The following NUP50 variants were observed in gnomAD, a reference collection of about 807,000 sequenced individuals.
The protein encoded by NUP50 is nuclear pore complex protein Nup50.
NUP50 carries 14 observed loss-of-function variants against 36.8 expected under a neutral mutation model. The ratio of observed to expected loss-of-function variants is 0.38; its 90% CI spans 0.25 to 0.59. The LOEUF (loss-of-function observed/expected upper bound fraction) is 0.59. NUP50 is among the 20% of genes least tolerant of loss of function. The pLI, the probability that NUP50 is intolerant of heterozygous loss-of-function variation, is 0.63. For synonymous variants in NUP50, 195 were observed against 210.8 expected (o/e 0.93, Z 0.65); for missense variants, 455 against 564.6 (o/e 0.81, Z 1.97).
rs1241277298 is a variant in NUP50 at position 45,184,938 on chromosome 22, T to A, written c.*283T>A. On this transcript the variant is annotated 3_prime_UTR_variant, in exon 8 of 8. Coordinates refer to ENST00000347635, the MANE Select transcript of NUP50 (RefSeq NM_007172.4). Reference sequence around the variant, plus strand: ...ATTAAACTAACCCTAAGTGATTTCTTCAAGGACTGCAATCAGGGTATCAAT... The same window carrying A: ...ATTAAACTAACCCTAAGTGATTTCTACAAGGACTGCAATCAGGGTATCAAT... 3 of 422,408 alleles carry A rather than the reference T, an allele frequency of 7.1e-6. No individual in the cohort carries two copies. Among genetic ancestry groups the A allele is most frequent in the Non-Finnish European group, 1.3e-5 (3 of 230,122 alleles). The allele number at this position is 422,408 out of a possible 1,614,324, so 26.2% of individuals were successfully genotyped here.
In NUP50 at chr22:45,175,881, CT is replaced by C; in HGVS notation, c.154-11del. The C allele has an allele frequency of 1.2e-6, 2 of 1,613,764 alleles. No homozygotes were observed. Among genetic ancestry groups the C allele is most frequent in the Non-Finnish European group, 8.5e-7 (1 of 1,179,832 alleles). On this transcript the variant is annotated splice_polypyrimidine_tract_variant and intron_variant, in intron 3 of 7. Coordinates refer to ENST00000347635, the MANE Select transcript of NUP50 (RefSeq NM_007172.4). ...TACACTTACCTAATGTGTGCTCCTCCTTCATACTTCAGTCTGACACTGGAGG... is the reference window on the plus strand; with the variant it reads ...TACACTTACCTAATGTGTGCTCCTCCTCATACTTCAGTCTGACACTGGAGG...
intron 5 of NUP50, chr22:45,180,297 T>A (rs1012963251): frequency 1.3e-5 from 2 of 148,348 alleles, no homozygotes; most frequent in African/African-American, 4.9e-5. Flanking sequence ...GCATCACAGT[T>A]GTTTTTCTTA....
At chr22:45,164,356 G>C (rs565068094) in intron 1 of NUP50, 60 bp downstream of exon 1, 168 of 152,990 alleles carry the variant, frequency 1.1e-3, no homozygotes, top group Admixed American at 2.5e-3. Flanking sequence ...CTGGTGCTGA[G>C]AGCCCAGGGC....
intron 2 of NUP50, among the ~76,000 whole-genome samples, chr22:45,168,849 A>G (rs1004862960): frequency 1.3e-5 from 2 of 152,034 alleles, no homozygotes; most frequent in African/African-American, 2.4e-5. Flanking sequence ...TTTCCCTTAT[A>G]AACAGTAGGA....
intron 5 of NUP50, among the ~76,000 whole-genome samples, chr22:45,180,574 C>T (rs1265384166): frequency 6.6e-6 from 1 of 152,146 alleles, no homozygotes; most frequent in Admixed American, 6.5e-5. Context: ...GGGGGCGTCT[C>T]ACCATGTTGA....
chr22:45,186,272 AG>A lies in NUP50; in HGVS notation c.*1620del, dbSNP rs2074470090. On this transcript the variant is annotated 3_prime_UTR_variant, in exon 8 of 8. Coordinates refer to ENST00000347635, the MANE Select transcript of NUP50 (RefSeq NM_007172.4). ...TCAGACATAGCGATAGTAGGCACCTAGGGAGGAAGTGGCCGTTAGTTTTACA... is the reference window on the plus strand; with the variant it reads ...TCAGACATAGCGATAGTAGGCACCTAGGAGGAAGTGGCCGTTAGTTTTACA... 6.6e-6 allele frequency: 1 copy of A among 152,184 alleles called. No homozygotes were observed. The highest frequency in any genetic ancestry group is 1.5e-5 in the Non-Finnish European group (1 of 68,024). 9.4% of individuals were successfully genotyped at this position (152,184 alleles called of 1,614,324 possible).
At chr22:45,174,259 C>T (rs981482512) in intron 3 of NUP50, among the ~76,000 whole-genome samples, 5 of 151,576 alleles carry the variant, frequency 3.3e-5, no homozygotes, top group Non-Finnish European at 7.4e-5. Flanking sequence ...CTCTCTGCAA[C>T]CGCCGCCTCC....
At chr22:45,182,237 TC>T (rs1349706739) in intron 6 of NUP50, among the ~76,000 whole-genome samples, 2 of 151,972 alleles carry the variant, frequency 1.3e-5, no homozygotes, top group South Asian at 2.1e-4. Context: ...GGTCAGGAGT[TC>T]CAGACAAACC....
intron 3 of NUP50, chr22:45,172,071 T>C (rs1377936405): frequency 1.1e-5 from 2 of 174,174 alleles, no homozygotes; most frequent in African/African-American, 4.7e-5. Flanking sequence ...CTAGAGGCAT[T>C]TTAGGTGTGG....
rs780560953 is a variant in NUP50 at position 45,184,450 on chromosome 22, C to T, written c.1205-3C>T. 14 of 1,613,666 alleles carry T rather than the reference C, an allele frequency of 8.7e-6. No individual in the cohort carries two copies. The Admixed American group carries it at 1.0e-4, about 12-fold the overall frequency. On this transcript the variant is annotated splice_polypyrimidine_tract_variant and splice_region_variant and intron_variant, in intron 7 of 7. Transcript: ENST00000347635. ...TTGATGGGTTTTGTTTGTTTGAATG[C>T]AGGCAACATATTGCTGAACGTTCTG... is the stretch of plus-strand genomic sequence containing the variant.
rs2074312428 is a variant in NUP50 at position 45,178,477 on chromosome 22, T to C, written c.580T>C (p.Leu194=). The C allele has an allele frequency of 1.2e-6, 2 of 1,612,636 alleles. No homozygotes were observed. Among genetic ancestry groups the C allele is most frequent in the Non-Finnish European group, 1.7e-6 (2 of 1,179,862 alleles). ...TATCTTTAAAGACTATGAGAAATATTTAGCAAACATTGAACAGCAACACGG... is the reference window on the plus strand; with the variant it reads ...TATCTTTAAAGACTATGAGAAATATCTAGCAAACATTGAACAGCAACACGG... ...TPIFKDYEKY[L]ANIEQQHGNS... is the part of the protein sequence containing the mutation. The change falls in exon 5 of 8, where the codon TTA becomes CTA. Residue 194 remains leucine (L), a synonymous_variant. Coordinates refer to ENST00000347635, the MANE Select transcript of NUP50 (RefSeq NM_007172.4).
chr22:45,176,222 G>A, intron 4 of NUP50, 142 bp downstream of exon 4: 1 of 884,548 alleles, frequency 1.1e-6, no homozygotes, highest in East Asian at 2.7e-5. Flanking sequence ...ATGGAACTTA[G>A]GGAGGTGTCG....
chr22:45,180,033 C>T (rs998955731), intron 5 of NUP50, among the ~76,000 whole-genome samples: 1 of 152,206 alleles, frequency 6.6e-6, no homozygotes, highest in Non-Finnish European at 1.5e-5. Flanking sequence ...TCAAGTATAT[C>T]CTCAGGCACG....
chr22:45,179,469 C>T (rs1420681081), intron 5 of NUP50, among the ~76,000 whole-genome samples: 1 of 152,220 alleles, frequency 6.6e-6, no homozygotes, highest in Non-Finnish European at 1.5e-5. Context: ...CCAGACAAGG[C>T]ACAAGGTCTG....
chr22:45,176,643 G>C (rs145489665), intron 4 of NUP50, among the ~76,000 whole-genome samples: 1 of 152,166 alleles, frequency 6.6e-6, no homozygotes, highest in Admixed American at 6.5e-5. Context: ...GACTGGTTGG[G>C]TTGTATTTAG....
chr22:45,172,521 A>G (rs879633242), intron 3 of NUP50, among the ~76,000 whole-genome samples: 1 of 152,192 alleles, frequency 6.6e-6, no homozygotes, highest in Non-Finnish European at 1.5e-5. Flanking sequence ...GCCAGTAAGC[A>G]TAATGCAGAC....
In NUP50 at chr22:45,185,881, A is replaced by AT. The variant is rs2074462845; in HGVS notation, c.*1229dup. 1.3e-5 allele frequency: 2 copies of AT among 152,144 alleles called. No individual in the cohort carries two copies. The highest frequency in any genetic ancestry group is 4.1e-4 in the South Asian group (2 of 4,832). The allele number at this position is 152,144 out of a possible 1,614,324, so 9.4% of individuals were successfully genotyped here. ...AATTTCCACTGAGTCCTCATGAATC[A>AT]TTTGAGACTAGTACCAGCTGATCTT... On this transcript the variant is annotated 3_prime_UTR_variant, in exon 8 of 8. Coordinates refer to ENST00000347635, the MANE Select transcript of NUP50 (RefSeq NM_007172.4).
Position 45,175,975 on chromosome 22 carries a change from G to A in NUP50, c.235G>A (p.Gly79Ser). Reference sequence around the variant, plus strand: ...AGGACGCTTTTCTGGATTTGGTAGTGGCGCTGGAGGGAAGCCTTTGGAAGG... The same window carrying A: ...AGGACGCTTTTCTGGATTTGGTAGTAGCGCTGGAGGGAAGCCTTTGGAAGG... ...GGGRFSGFGS[G>S]AGGKPLEGLS... Residue 79 changes from glycine to serine, a missense_variant, in exon 4 of 8, where the codon GGC becomes AGC. By Grantham distance (56) the Gly-to-Ser change is moderately conservative. Around this residue, in one of 3 missense-constraint regions of NUP50, gnomAD observed 166 missense variants for 202.8 expected, o/e 0.82. Transcript: ENST00000347635. The A allele has an allele frequency of 6.2e-7, 1 of 1,614,154 alleles. No homozygotes were observed. Among genetic ancestry groups the A allele is most frequent in the Non-Finnish European group, 8.5e-7 (1 of 1,180,036 alleles).
rs2074316131 is a variant in NUP50, at chr22:45,178,647, G to A, written c.750G>A (p.Lys250=). 6.2e-7 allele frequency: 1 copy of A among 1,611,878 alleles called. No homozygotes were observed. The highest frequency in any genetic ancestry group is 8.5e-7 in the Non-Finnish European group (1 of 1,179,860). The change falls in exon 5 of 8, where the codon AAG becomes AAA. Residue 250 remains lysine (K), a synonymous_variant. Coordinates refer to ENST00000347635, the MANE Select transcript of NUP50 (RefSeq NM_007172.4). ...GNKTEDTPDK[K]MEVASEKKTD... Reference sequence around the variant, plus strand: ...AAACTGAAGATACACCTGACAAGAAGATGGAGGTGGCATCTGAAAAGAAAA... The same window carrying A: ...AAACTGAAGATACACCTGACAAGAAAATGGAGGTGGCATCTGAAAAGAAAA...
Sources: allele counts gnomAD v4.1 joint callset (sites outside exome capture counted in the v4.1 genomes callset), GRCh38; gene constraint gnomAD v4.1.1; regional missense constraint gnomAD v4.1.1; transcripts MANE v1.5; gene names NCBI Gene and HGNC (gene_info 2026-07-23, HGNC 2026-07-21).